The following CLVS1 variants were observed in gnomAD, a reference collection of about 807,000 sequenced individuals.
CLVS1 encodes clavesin 1.
A neutral mutation model predicts 33.1 loss-of-function variants in CLVS1; 10 were observed. That is an observed-to-expected ratio of 0.30 (90% CI 0.19 to 0.51). The LOEUF is 0.51. Ranked by LOEUF, CLVS1 falls within the 20% of genes least tolerant of loss-of-function variation. CLVS1 has a pLI of 0.97. For missense variants in CLVS1, 343 were observed against 433.4 expected (o/e 0.79, Z 1.85); for synonymous variants, 163 against 166.1 (o/e 0.98, Z 0.14).
At chr8:61,180,153 G>A (rs552910604) in intron 2 of CLVS1, among the ~76,000 whole-genome samples, 2 of 151,960 alleles carry the variant, frequency 1.3e-5, no homozygotes, top group Admixed American at 6.6e-5. Flanking sequence ...AATGATAAAG[G>A]GGATATCATA....
chr8:61,076,728 G>T (rs180967983), intron 1 of CLVS1, among the ~76,000 whole-genome samples: 3 of 152,222 alleles, frequency 2.0e-5, no homozygotes, highest in African/African-American at 7.2e-5. Context: ...TTTGCCAACT[G>T]TTTGGGTGGC....
At chr8:61,130,217 G>GA in intron 1 of CLVS1, among the ~76,000 whole-genome samples, 1 of 150,294 alleles carries the variant, frequency 6.7e-6, no homozygotes, top group South Asian at 2.1e-4. Context: ...TAGCGTGGGA[G>GA]ACAGAGTGAG....
chr8:61,456,769 T>A (rs1291195048), intron 4 of CLVS1, among the ~76,000 whole-genome samples: 2 of 151,552 alleles, frequency 1.3e-5, no homozygotes, highest in East Asian at 2.0e-4. Context: ...TACAAAAAAA[T>A]TAGCTGGGCG....
intron 2 of CLVS1, among the ~76,000 whole-genome samples, chr8:61,228,206 A>T (rs1025793068): frequency 6.6e-6 from 1 of 152,194 alleles, no homozygotes; most frequent in Non-Finnish European, 1.5e-5. Context: ...CAAGTAAAAA[A>T]TATATATTTA....
rs898373920 is a variant in CLVS1, at chr8:61,175,273, T to C, written c.-152+43413T>C. ...AGAATAGAGCCCTCATGAATGGGAT[T>C]AGTGCCCTTATAAAAGAAGCCCCAG... is the stretch of plus-strand genomic sequence containing the variant. On this transcript the variant is annotated intron_variant, in intron 2 of 2. Coordinates refer to the CLVS1 transcript ENST00000522621. Among the ~76,000 whole-genome samples the C allele has an allele frequency of 3.9e-5, 6 of 152,160 alleles. No homozygotes were observed. In the East Asian group the frequency reaches 1.2e-3, roughly 29 times the overall value.
intron 5 of CLVS1, among the ~76,000 whole-genome samples, chr8:61,496,417 C>G (rs998140223): frequency 3.3e-5 from 5 of 152,086 alleles, no homozygotes; most frequent in Admixed American, 6.6e-5. Context: ...TGTTTTAATG[C>G]CTCTGGATTT....
chr8:61,381,417 C>T (rs1043898666), intron 3 of CLVS1, among the ~76,000 whole-genome samples: 32 of 151,984 alleles, frequency 2.1e-4, no homozygotes, highest in Non-Finnish European at 3.5e-4. Context: ...TTTTGTGTTA[C>T]GAGAATTACG....
chr8:61,256,270 C>T (rs1252559005), intron 2 of CLVS1, among the ~76,000 whole-genome samples: 6 of 152,142 alleles, frequency 3.9e-5, no homozygotes, highest in South Asian at 2.1e-4. Context: ...ATCCCAGCAC[C>T]TTGGGAGGCC....
intron 2 of CLVS1, among the ~76,000 whole-genome samples, chr8:61,216,804 T>C (rs991180570): frequency 4.6e-5 from 7 of 152,222 alleles, no homozygotes; most frequent in African/African-American, 1.7e-4. Context: ...GCCTAGCAGA[T>C]AGTTTCTGAC....
intron 3 of CLVS1, among the ~76,000 whole-genome samples, chr8:61,424,614 T>C (rs1228891733): frequency 6.6e-6 from 1 of 152,194 alleles, no homozygotes; most frequent in African/African-American, 2.4e-5. Flanking sequence ...AATAGTGCTT[T>C]AGTTCTTTTT....
chr8:61,281,050 C>A (rs1809661948), intron 2 of CLVS1, among the ~76,000 whole-genome samples: 1 of 152,206 alleles, frequency 6.6e-6, no homozygotes, highest in African/African-American at 2.4e-5. Context: ...CAAATCTATA[C>A]TCAGAAACTT....
At chr8:61,179,587 T>TG (rs747203369) in intron 2 of CLVS1, among the ~76,000 whole-genome samples, 41 of 152,274 alleles carry the variant, frequency 2.7e-4, no homozygotes, top group Admixed American at 1.4e-3. Flanking sequence ...ACCACATAAT[T>TG]GGAAGCAAAA....
chr8:60,992,083 C>T, the CLVS1 span, among the ~76,000 whole-genome samples: 1 of 152,136 alleles, frequency 6.6e-6, no homozygotes, highest in Admixed American at 6.5e-5. Flanking sequence ...TGAGATGCCA[C>T]TTTCTCAGAG....
At position 61,478,929 on chromosome 8, in the gene CLVS1, A is replaced by G. The variant is rs1818068896; in HGVS notation, c.977+20387A>G. 4.6e-5 allele frequency among the ~76,000 whole-genome samples: 7 copies of G among 152,200 alleles called. 1 individual carries two copies. The South Asian group carries it at 6.2e-4, about 14-fold the overall frequency. On this transcript the variant is annotated intron_variant, in intron 5 of 5. Transcript: ENST00000325897. ...TGGCCCCCACTCTCTTCTGGCTTGT[A>G]TAGTTTCTGCCAAGAGATCCGCTGT...
At chr8:61,470,478 A>C (rs1817694006) in intron 5 of CLVS1, among the ~76,000 whole-genome samples, 1 of 152,250 alleles carries the variant, frequency 6.6e-6, no homozygotes, top group Non-Finnish European at 1.5e-5. Flanking sequence ...TCTGAAAAAC[A>C]TGCCTGTTTG....
At chr8:61,497,285 G>A (rs1269101842) in intron 5 of CLVS1, among the ~76,000 whole-genome samples, 1 of 152,200 alleles carries the variant, frequency 6.6e-6, no homozygotes, top group African/African-American at 2.4e-5. Flanking sequence ...CCATGCATAA[G>A]GAGGAGTCCA....
At chr8:61,088,492 A>AAAAAC (rs1415345384) in intron 1 of CLVS1, among the ~76,000 whole-genome samples, 1 of 91,514 alleles carries the variant, frequency 1.1e-5, no homozygotes, top group East Asian at 3.3e-4. Context: ...TGTCTCAAAA[A>AAAAAC]AAAAAAAAAA....
intron 1 of CLVS1, among the ~76,000 whole-genome samples, chr8:61,085,900 T>TGGCGGGCGCGG (rs1563396649): frequency 6.6e-6 from 1 of 151,198 alleles, no homozygotes; most frequent in East Asian, 1.9e-4. Flanking sequence ...GGCGGGCGCG[T>TGGCGGGCGCGG]TGGCGGGCGC....
chr8:61,414,573 G>C (rs892478955), intron 3 of CLVS1, among the ~76,000 whole-genome samples: 3 of 152,146 alleles, frequency 2.0e-5, no homozygotes, highest in Admixed American at 6.5e-5. Context: ...AATGCCCTCT[G>C]TTTTGGCTGG....
Sources: allele counts gnomAD v4.1 joint callset (sites outside exome capture counted in the v4.1 genomes callset), GRCh38; gene constraint gnomAD v4.1.1; transcripts MANE v1.5; gene names NCBI Gene and HGNC (gene_info 2026-07-23, HGNC 2026-07-21).